The following DTHD1 variants were observed in gnomAD, a reference collection of about 807,000 sequenced individuals.
DTHD1 encodes death domain containing 1, also known as death domain-containing protein 1.
DTHD1 carries 59 observed loss-of-function variants against 74.8 expected under a neutral mutation model. That is an observed-to-expected ratio of 0.79 (90% CI 0.64 to 0.98). The LOEUF (loss-of-function observed/expected upper bound fraction) is 0.98. Among genes scored for constraint, DTHD1 ranks in the 50% least tolerant of loss-of-function variants. DTHD1 has a pLI of 0.00. For synonymous variants in DTHD1, 365 were observed against 371.1 expected (o/e 0.98, Z 0.19); for missense variants, 1,051 against 1,065.4 (o/e 0.99, Z 0.19).
intron 1 of DTHD1, among the ~76,000 whole-genome samples, chr4:36,282,872 T>C (rs1755478707): frequency 6.6e-6 from 1 of 152,144 alleles, no homozygotes; most frequent in South Asian, 2.1e-4. Context: ...CAATGAGACC[T>C]TTAGCCTCTG....
At chr4:36,330,562 G>A (rs144608495) in intron 8 of DTHD1, among the ~76,000 whole-genome samples, 15 of 152,096 alleles carry the variant, frequency 9.9e-5, no homozygotes, top group Admixed American at 2.0e-4. Flanking sequence ...GTAATTCCTG[G>A]TACATGGCAA....
At chr4:36,290,283 T>C in intron 2 of DTHD1, 90 bp from the exon 3 acceptor site, 1 of 1,290,746 alleles carries the variant, frequency 7.7e-7, no homozygotes, top group Non-Finnish European at 1.0e-6. Flanking sequence ...ACCAAGACAA[T>C]GTAGATCTAG....
At chr4:36,297,606 C>G (rs1430695712) in intron 5 of DTHD1, among the ~76,000 whole-genome samples, 1 of 152,096 alleles carries the variant, frequency 6.6e-6, no homozygotes, top group African/African-American at 2.4e-5. Flanking sequence ...AACCAAATAA[C>G]CAGAGAGTGT....
chr4:36,343,695 C>T lies in DTHD1; in HGVS notation c.2592C>T (p.Asp864=), dbSNP rs1759449679. The change falls in exon 10 of 10, where the codon GAC becomes GAT. Residue 864 remains aspartate, a synonymous_variant. Transcript: ENST00000639862. The part of the protein sequence containing the change: ...FWKKSLPTFT[D]KLRLLARHLR... ...AAAAATCGCTTCCAACTTTCACCGA[C>T]AAACTTCGCCTCCTGGCTCGACATC... 2 of 1,551,740 alleles carry T rather than the reference C, an allele frequency of 1.3e-6. No homozygotes were observed. Among genetic ancestry groups the T allele is most frequent in the South Asian group, 2.4e-5 (2 of 84,060 alleles).
At chr4:36,321,191 T>A (rs1245061071) in intron 8 of DTHD1, among the ~76,000 whole-genome samples, 2 of 152,186 alleles carry the variant, frequency 1.3e-5, no homozygotes, top group African/African-American at 4.8e-5. Context: ...TTCTTCTTTA[T>A]AGCATGTTTT....
At position 36,293,530 on chromosome 4, in the gene DTHD1, C is replaced by A. The variant is rs765224946; in HGVS notation, c.1223C>A (p.Thr408Asn). ...LEGMKGGYKGTCASVKVYKLG... is the reference protein window; with the variant it reads ...LEGMKGGYKGNCASVKVYKLG... ...AATGTTCTTTATTCTATACAGGGGA[C>A]CTGTGCTTCAGTAAAAGTTTACAAA... The change falls in exon 4 of 10, where the codon ACC becomes AAC. Residue 408 changes from threonine (T) to asparagine (N), a missense_variant. Transcript: ENST00000639862. 8.5e-5 allele frequency: 131 copies of A among 1,537,212 alleles called. 2 individuals are homozygous for A. Among genetic ancestry groups the A allele is most frequent in the East Asian group, 9.8e-5 (4 of 40,684 alleles).
At chr4:36,296,734 A>G (rs1262074728) in intron 5 of DTHD1, among the ~76,000 whole-genome samples, 3 of 151,938 alleles carry the variant, frequency 2.0e-5, no homozygotes, top group Non-Finnish European at 4.4e-5. Flanking sequence ...TAAATTGTTC[A>G]TTTTATTCAC....
intron 2 of DTHD1, among the ~76,000 whole-genome samples, chr4:36,287,976 C>A (rs1019366073): frequency 1.3e-5 from 2 of 152,084 alleles, no homozygotes; most frequent in African/African-American, 2.4e-5. Flanking sequence ...TGTGTAGAAG[C>A]TTTTTAGTCT....
chr4:36,344,392 TGG>T lies in DTHD1; in HGVS notation c.*569_*570del, dbSNP rs1280097695. On this transcript the variant is annotated 3_prime_UTR_variant, in exon 10 of 10. Transcript: ENST00000639862. Reference sequence around the variant, plus strand: ...CAATCAATACATGTAAGGTGTACATTGGCTCAATCTGGAAAGGTAGGACAACT... The same window carrying T: ...CAATCAATACATGTAAGGTGTACATTCTCAATCTGGAAAGGTAGGACAACT... 1 of 152,484 alleles carries T rather than the reference TGG, an allele frequency of 6.6e-6. No homozygotes were observed. Among genetic ancestry groups the T allele is most frequent in the African/African-American group, 2.4e-5 (1 of 41,438 alleles). The allele number at this position is 152,484 out of a possible 1,614,324, so 9.4% of individuals were successfully genotyped here.
At chr4:36,315,388 T>A (rs1478931532) in intron 7 of DTHD1, among the ~76,000 whole-genome samples, 1 of 152,256 alleles carries the variant, frequency 6.6e-6, no homozygotes, top group African/African-American at 2.4e-5. Flanking sequence ...ATCAACACTG[T>A]CCAATTCCAC....
chr4:36,282,109 C>T lies in DTHD1; in HGVS notation c.271+80C>T, dbSNP rs574572500. The stretch of plus-strand genomic sequence containing the variant: ...AGATCTGAGAGGGGCTATGAGTATA[C>T]CAGATAGGCTAAGATAGAGTTTCTG... On this transcript the variant is annotated intron_variant, in intron 1 of 9. Transcript: ENST00000639862. 213 of 1,187,328 alleles carry T rather than the reference C, an allele frequency of 1.8e-4. No individual in the cohort carries two copies. In the African/African-American group the frequency reaches 2.8e-3, roughly 15 times the overall value. The allele number at this position is 1,187,328 out of a possible 1,614,324, so 73.5% of individuals were successfully genotyped here. A position where few individuals can be genotyped will look rare whatever the true frequency, so the allele number is the denominator to read the frequency against.
intron 5 of DTHD1, among the ~76,000 whole-genome samples, chr4:36,301,833 C>G (rs535483489): frequency 2.0e-5 from 3 of 151,372 alleles, no homozygotes; most frequent in African/African-American, 4.9e-5. Flanking sequence ...ATTATTGAAA[C>G]GTTTCTGTTG....
Position 36,284,129 on chromosome 4 carries a change from C to G in DTHD1, c.425C>G (p.Thr142Ser), listed in dbSNP as rs776819665. 53 of 1,537,050 alleles carry G rather than the reference C, an allele frequency of 3.4e-5. 1 individual carries two copies. In the African/African-American group the frequency reaches 5.9e-4, roughly 17 times the overall value. Residue 142 changes from threonine to serine, a missense_variant, in exon 2 of 10, where the codon ACC becomes AGC. Transcript: ENST00000639862. ...PQQTMSSIQD[T>S]KAADIAARGE... ...CAGACAATGTCCTCCATTCAAGATA[C>G]CAAAGCAGCAGACATTGCTGCAAGA...
chr4:36,290,311 A>G, intron 2 of DTHD1, 62 bp from the exon 3 acceptor site: 1 of 1,434,208 alleles, frequency 7.0e-7, no homozygotes, highest in Non-Finnish European at 9.3e-7. Flanking sequence ...GCTTTTCTGC[A>G]TTTAGCTGTA....
intron 7 of DTHD1, among the ~76,000 whole-genome samples, chr4:36,315,406 G>C (rs765329914): frequency 4.6e-5 from 7 of 152,192 alleles, no homozygotes; most frequent in Non-Finnish European, 1.0e-4. Flanking sequence ...CACACTTGTG[G>C]AAATGTTTTA....
chr4:36,333,251 A>T (rs1221071388), intron 8 of DTHD1, among the ~76,000 whole-genome samples: 3 of 152,132 alleles, frequency 2.0e-5, no homozygotes, highest in Admixed American at 2.0e-4. Flanking sequence ...ACAAATATAT[A>T]TCATATCATA....
intron 4 of DTHD1, among the ~76,000 whole-genome samples, chr4:36,294,362 C>T (rs868807093): frequency 5.3e-5 from 8 of 151,810 alleles, no homozygotes; most frequent in African/African-American, 1.9e-4. Flanking sequence ...ATATTTTCCA[C>T]GCACTTTGAA....
Position 36,301,408 on chromosome 4 carries a change from A to T in DTHD1, c.1644-4783A>T, listed in dbSNP as rs563163045. ...TTTTGGGAGTAGCTCATATCTTAGG[A>T]TATAAAACTCCAGAGTTGTCGACAG... is the stretch of plus-strand genomic sequence containing the variant. On this transcript the variant is annotated intron_variant, in intron 5 of 9. Coordinates refer to ENST00000639862, the MANE Select transcript of DTHD1 (RefSeq NM_001170700.3). Among the ~76,000 whole-genome samples, 9 of 152,304 alleles carry T rather than the reference A, an allele frequency of 5.9e-5. No homozygotes were observed. In the South Asian group the frequency reaches 1.7e-3, roughly 28 times the overall value.
At chr4:36,329,155 G>A (rs1456889494) in intron 8 of DTHD1, among the ~76,000 whole-genome samples, 1 of 152,152 alleles carries the variant, frequency 6.6e-6, no homozygotes, top group Non-Finnish European at 1.5e-5. Context: ...CATACCGCCT[G>A]TCATTTCCTT....
Sources: gnomAD v4.1 joint callset for allele counts (sites outside exome capture counted in the v4.1 genomes callset) on GRCh38, gnomAD v4.1.1 for gene constraint, MANE v1.5 for transcripts, NCBI Gene and HGNC (gene_info 2026-07-23, HGNC 2026-07-21) for gene names.